PDE9A: variants seen among roughly 807,000 people sequenced by gnomAD.
The protein encoded by PDE9A is high affinity cGMP-specific 3',5'-cyclic phosphodiesterase 9A.
A neutral mutation model predicts 87.4 loss-of-function variants in PDE9A; 60 were observed. The ratio of observed to expected loss-of-function variants is 0.69; its 90% CI spans 0.56 to 0.85. PDE9A has a LOEUF of 0.85. Ranked by LOEUF, PDE9A falls within the 40% of genes least tolerant of loss-of-function variation. The probability of loss-of-function intolerance (pLI) is 0.00; values close to 1 mark genes in which losing one functional copy is unlikely to be tolerated. For missense variants in PDE9A, 665 were observed against 779.0 expected (o/e 0.85, Z 1.74); for synonymous variants, 272 against 279.4 (o/e 0.97, Z 0.27).
intron 1 of PDE9A, among the ~76,000 whole-genome samples, chr21:42,681,708 T>G (rs1443622708): frequency 1.3e-5 from 2 of 152,208 alleles, no homozygotes; most frequent in African/African-American, 4.8e-5. Context: ...ACAAAAGGGT[T>G]TGTGATGACC....
Position 42,722,643 on chromosome 21 carries a change from C to T in PDE9A, c.263-9127C>T, listed in dbSNP as rs1333285954. On this transcript the variant is annotated intron_variant, in intron 4 of 19. Transcript: ENST00000291539. The surrounding 1 kb of genome is among the most constrained non-coding windows in gnomAD (Gnocchi z 4.1). ...CTATTGCTAGGGCCATGTGTGCATT[C>T]GTTTGCCTAGGGGAGAAAAGTACAC... 6.6e-6 allele frequency among the ~76,000 whole-genome samples: 1 copy of T among 152,166 alleles called. No individual in the cohort carries two copies. Among genetic ancestry groups the T allele is most frequent in the Non-Finnish European group, 1.5e-5 (1 of 68,032 alleles).
intron 1 of PDE9A, among the ~76,000 whole-genome samples, chr21:42,678,368 T>C (rs1212503711): frequency 6.6e-6 from 1 of 152,220 alleles, no homozygotes; most frequent in Non-Finnish European, 1.5e-5. Context: ...GCAGAGACAG[T>C]GAAAAGCCAT....
At chr21:42,699,100 T>C in intron 4 of PDE9A, 89 bp downstream of exon 4, 1 of 827,120 alleles carries the variant, frequency 1.2e-6, no homozygotes, top group Non-Finnish European at 2.1e-6. Flanking sequence ...TAGTTAAGCA[T>C]TTGAATCTAA....
chr21:42,701,991 T>G (rs1477190559), intron 4 of PDE9A, among the ~76,000 whole-genome samples: 1 of 152,186 alleles, frequency 6.6e-6, no homozygotes, highest in East Asian at 1.9e-4. Context: ...TTTAACCTGC[T>G]TGGTGTTCAT....
intron 1 of PDE9A, among the ~76,000 whole-genome samples, chr21:42,677,427 CCATCCTGGT>C (rs1427889691): frequency 1.3e-5 from 2 of 152,232 alleles, no homozygotes; most frequent in East Asian, 3.9e-4. Flanking sequence ...GAAACTAATG[CCATCCTGGT>C]TTACCAGCTT....
At chr21:42,736,940 G>C (rs1279805122) in intron 7 of PDE9A, among the ~76,000 whole-genome samples, 1 of 152,220 alleles carries the variant, frequency 6.6e-6, no homozygotes, top group Non-Finnish European at 1.5e-5. Context: ...CTGAGCCCCA[G>C]AGATTCTGAG....
intron 7 of PDE9A, among the ~76,000 whole-genome samples, chr21:42,738,380 G>T (rs2052702001): frequency 1.3e-5 from 2 of 152,212 alleles, no homozygotes; most frequent in Non-Finnish European, 2.9e-5. Context: ...TCTTTAAACA[G>T]CTTTCACTAG....
At chr21:42,673,626 T>A (rs781468759) in intron 1 of PDE9A, among the ~76,000 whole-genome samples, 33 of 152,104 alleles carry the variant, frequency 2.2e-4, no homozygotes, top group Non-Finnish European at 3.7e-4. Context: ...AAGGAGAGAA[T>A]TAATGGGAAC....
At chr21:42,772,932 A>G (rs1319919643) in intron 19 of PDE9A, among the ~76,000 whole-genome samples, 1 of 151,202 alleles carries the variant, frequency 6.6e-6, no homozygotes, top group Admixed American at 6.6e-5. Context: ...GCGCCTGACC[A>G]AATGAATGGA....
At chr21:42,758,152 G>T (rs2055279252) in intron 10 of PDE9A, 1 of 152,228 alleles carries the variant, frequency 6.6e-6, no homozygotes, top group African/African-American at 2.4e-5. Context: ...CGCCACCCAA[G>T]ACCTGCTTTT....
intron 10 of PDE9A, 104 bp from the exon 11 acceptor site, chr21:42,758,895 C>T (rs2055364018): frequency 6.1e-6 from 5 of 816,282 alleles, no homozygotes; most frequent in Non-Finnish European, 1.0e-5. Flanking sequence ...CACCTCCTGC[C>T]AACGGCCCTG....
At chr21:42,769,428 G>A (rs1330653537) in intron 17 of PDE9A, among the ~76,000 whole-genome samples, 15 of 130,670 alleles carry the variant, frequency 1.1e-4, no homozygotes, top group African/African-American at 3.5e-4. Context: ...GCACACACTC[G>A]TGCACACACA....
At chr21:42,765,750 G>A in intron 15 of PDE9A, 1 of 466,266 alleles carries the variant, frequency 2.1e-6, no homozygotes. Context: ...AAGGAGATAA[G>A]TGGGTGAAGG....
chr21:42,769,473 T>TGCAGGTACACATGCACACAAGGCAC (rs202156672), intron 17 of PDE9A, among the ~76,000 whole-genome samples: 13 of 131,202 alleles, frequency 9.9e-5, no homozygotes, highest in Non-Finnish European at 2.1e-4. Context: ...CAAATGTGCA[T>TGCAGGTACACATGCACACAAGGCAC]GCAGGTACAC....
At chr21:42,773,045 G>C (rs1427545316) in intron 19 of PDE9A, among the ~76,000 whole-genome samples, 1 of 150,924 alleles carries the variant, frequency 6.6e-6, no homozygotes, top group East Asian at 2.0e-4. Context: ...CGGATCACTT[G>C]AGGTCAGGAG....
chr21:42,737,833 T>C (rs2052628486), intron 7 of PDE9A, among the ~76,000 whole-genome samples: 1 of 152,236 alleles, frequency 6.6e-6, no homozygotes, highest in Admixed American at 6.5e-5. Flanking sequence ...TATATTGTGG[T>C]GGACTTGTCT....
intron 1 of PDE9A, among the ~76,000 whole-genome samples, chr21:42,662,200 C>G (rs188624517): frequency 4.1e-4 from 62 of 152,220 alleles, no homozygotes; most frequent in African/African-American, 1.5e-3. Context: ...AGTCTAATCT[C>G]AGTGCCTGGT....
intron 14 of PDE9A, among the ~76,000 whole-genome samples, chr21:42,764,427 A>G (rs930343142): frequency 6.6e-6 from 1 of 152,222 alleles, no homozygotes; most frequent in Admixed American, 6.5e-5. Flanking sequence ...CCGTGAAGAG[A>G]GAACGCTGCA....
chr21:42,666,201 A>G (rs1360767575), intron 1 of PDE9A, among the ~76,000 whole-genome samples: 1 of 152,142 alleles, frequency 6.6e-6, no homozygotes, highest in South Asian at 2.1e-4. Context: ...GCGTGGCTGC[A>G]GCCGGAAGGG....
Sources: gnomAD v4.1 joint callset for allele counts (sites outside exome capture counted in the v4.1 genomes callset) on GRCh38, gnomAD v4.1.1 for gene constraint, Gnocchi (gnomAD v3.1) non-coding constraint, MANE v1.5 for transcripts, NCBI Gene and HGNC (gene_info 2026-07-23, HGNC 2026-07-21) for gene names.